Variants in FBXL17 observed in about 807,000 individuals in gnomAD.
FBXL17 encodes F-box and leucine rich repeat protein 17.
In FBXL17, 22 loss-of-function variants were observed where a neutral mutation model predicts 66.2. That is an observed-to-expected ratio of 0.33 (90% CI 0.24 to 0.47). The LOEUF (loss-of-function observed/expected upper bound fraction) is 0.47, where lower values mean the gene tolerates loss of function less well. Ranked by LOEUF, FBXL17 falls within the 20% of genes least tolerant of loss-of-function variation. The probability of loss-of-function intolerance (pLI) is 1.00; values close to 1 mark genes in which losing one functional copy is unlikely to be tolerated. For missense variants in FBXL17, 878 were observed against 948.2 expected (o/e 0.93, Z 0.97); for synonymous variants, 474 against 400.5 (o/e 1.18, Z -2.19).
chr5:108,285,682 TGTGGGCTTGAAAACA>T (rs1360149052), intron 4 of FBXL17, among the ~76,000 whole-genome samples: 1 of 151,792 alleles, frequency 6.6e-6, no homozygotes, highest in East Asian at 1.9e-4. Flanking sequence ...TGTGGTATCA[TGTGGGCTTGAAAACA>T]GTGGGCTTTG....
At chr5:108,242,548 A>G (rs1580678846) in intron 4 of FBXL17, among the ~76,000 whole-genome samples, 1 of 152,116 alleles carries the variant, frequency 6.6e-6, no homozygotes, top group African/African-American at 2.4e-5. Context: ...AATTAGTCCT[A>G]TGTAATTATT....
At chr5:108,075,202 A>G (rs1292475320) in intron 6 of FBXL17, among the ~76,000 whole-genome samples, 1 of 152,158 alleles carries the variant, frequency 6.6e-6, no homozygotes, top group Non-Finnish European at 1.5e-5. Flanking sequence ...TCCAGTTGGG[A>G]AAGAGATCAA....
intron 7 of FBXL17, among the ~76,000 whole-genome samples, chr5:107,945,846 T>C (rs12659811): frequency 0.37 from 56,035 of 151,896 alleles, 11,430 homozygotes; most frequent in East Asian, 0.59. Flanking sequence ...GGTATACTGA[T>C]GTTTGTATAC....
chr5:108,372,346 G>T (rs894189808), intron 1 of FBXL17, among the ~76,000 whole-genome samples: 1 of 152,172 alleles, frequency 6.6e-6, no homozygotes, highest in Non-Finnish European at 1.5e-5. Flanking sequence ...GGAAAAGAGA[G>T]TGAAAGAGGC....
intron 6 of FBXL17, among the ~76,000 whole-genome samples, chr5:108,049,831 TTC>T (rs553101812): frequency 1.4e-3 from 219 of 152,282 alleles, no homozygotes; most frequent in Admixed American, 3.1e-3. Context: ...GTGGGCTGTA[TTC>T]AGGAGACCCA....
chr5:107,988,477 C>T (rs1380775122), intron 7 of FBXL17, among the ~76,000 whole-genome samples: 2 of 151,918 alleles, frequency 1.3e-5, no homozygotes, highest in Non-Finnish European at 2.9e-5. Flanking sequence ...ATATAGGCTG[C>T]TACAAGTAGT....
At chr5:108,228,942 C>G (rs1247423392) in intron 4 of FBXL17, among the ~76,000 whole-genome samples, 2 of 152,184 alleles carry the variant, frequency 1.3e-5, no homozygotes, top group Non-Finnish European at 2.9e-5. Context: ...TTGTTGGGTA[C>G]AGCTCTGCAG....
intron 7 of FBXL17, among the ~76,000 whole-genome samples, chr5:107,986,577 C>T (rs1333546663): frequency 1.3e-5 from 2 of 151,616 alleles, no homozygotes; most frequent in Non-Finnish European, 3.0e-5. Context: ...GGGATACCTA[C>T]TAAAATCAAG....
chr5:108,141,663 A>C (rs1014938093), intron 6 of FBXL17, among the ~76,000 whole-genome samples: 1 of 152,246 alleles, frequency 6.6e-6, no homozygotes, highest in Non-Finnish European at 1.5e-5. Context: ...GAGCCTCTGG[A>C]GAAATTTTCA....
intron 7 of FBXL17, among the ~76,000 whole-genome samples, chr5:107,994,668 T>C (rs571492037): frequency 6.6e-5 from 10 of 151,924 alleles, no homozygotes; most frequent in African/African-American, 2.4e-5. Context: ...TGAAACCCCA[T>C]CTCTACCAAA....
intron 7 of FBXL17, among the ~76,000 whole-genome samples, chr5:107,924,209 G>A (rs562415710): frequency 9.9e-5 from 15 of 151,958 alleles, no homozygotes; most frequent in South Asian, 2.1e-4. Flanking sequence ...TTCTGAGAGC[G>A]TTCCTTTCAG....
chr5:107,906,016 GA>G (rs968516706), intron 7 of FBXL17, among the ~76,000 whole-genome samples: 2 of 150,370 alleles, frequency 1.3e-5, no homozygotes. Flanking sequence ...TATGCCCAAA[GA>G]AACTGAAAAG....
intron 7 of FBXL17, among the ~76,000 whole-genome samples, chr5:107,959,351 G>T (rs1032151189): frequency 1.4e-5 from 2 of 147,738 alleles, no homozygotes; most frequent in African/African-American, 5.1e-5. Flanking sequence ...TTTGAGTCAT[G>T]GTCATTATTT....
chr5:107,870,950 C>G (rs769997115), intron 8 of FBXL17, among the ~76,000 whole-genome samples: 1 of 150,662 alleles, frequency 6.6e-6, no homozygotes, highest in Non-Finnish European at 1.5e-5. Context: ...AATAAGCTGA[C>G]CACAGAACAT....
intron 7 of FBXL17, among the ~76,000 whole-genome samples, chr5:107,991,511 C>T (rs1235896765): frequency 6.6e-6 from 1 of 152,210 alleles, no homozygotes; most frequent in African/African-American, 2.4e-5. Context: ...CATTCCCTTT[C>T]TCAGTTGAGA....
intron 7 of FBXL17, among the ~76,000 whole-genome samples, chr5:107,981,369 G>C (rs1457952461): frequency 6.6e-6 from 1 of 152,218 alleles, no homozygotes; most frequent in Non-Finnish European, 1.5e-5. Context: ...GCTGGTCACG[G>C]ATATGCCTAG....
intron 6 of FBXL17, among the ~76,000 whole-genome samples, chr5:108,103,544 TGTGA>T (rs1164139967): frequency 1.3e-5 from 2 of 152,012 alleles, no homozygotes; most frequent in African/African-American, 2.4e-5. Flanking sequence ...AAACAGTCTT[TGTGA>T]GAATCAAAAG....
chr5:107,906,483 C>A (rs1749761835), intron 7 of FBXL17, among the ~76,000 whole-genome samples: 1 of 152,108 alleles, frequency 6.6e-6, no homozygotes, highest in Non-Finnish European at 1.5e-5. Context: ...ACCAACTAAT[C>A]CTCAGCCCAT....
At chr5:108,339,571 ATTT>A (rs1746742855) in intron 4 of FBXL17, among the ~76,000 whole-genome samples, 1 of 150,054 alleles carries the variant, frequency 6.7e-6, no homozygotes, top group Non-Finnish European at 1.5e-5. Flanking sequence ...TAAAAATTAG[ATTT>A]TTATTAAAAA....
Sources: allele counts gnomAD v4.1 joint callset (sites outside exome capture counted in the v4.1 genomes callset), GRCh38; gene constraint gnomAD v4.1.1; transcripts MANE v1.5; gene names NCBI Gene and HGNC (gene_info 2026-07-23, HGNC 2026-07-21).